ADAM33: variants seen among roughly 807,000 people sequenced by gnomAD.
The protein encoded by ADAM33 is ADAM metallopeptidase domain 33, also known as disintegrin and metalloproteinase domain-containing protein 33.
In ADAM33, 103 loss-of-function variants were observed where a neutral mutation model predicts 106.2. That is an observed-to-expected ratio of 0.97 (90% CI 0.83 to 1.14). The LOEUF (loss-of-function observed/expected upper bound fraction) is 1.14. ADAM33 is among the 50% of genes most tolerant of loss of function. ADAM33 has a pLI of 0.00. For missense variants in ADAM33, 1,120 were observed against 1,096.6 expected (o/e 1.02, Z -0.30); for synonymous variants, 483 against 453.0 (o/e 1.07, Z -0.84).
At position 3,669,240 on chromosome 20, in the gene ADAM33, G is replaced by A. The variant is rs142662262; in HGVS notation, c.2404+59C>T. Reference sequence around the variant, plus strand: ...TTAGGGGGCAGCAAACTGAGGGGTGGGAGAGGTGGGAGGGTGGGCGATGAG... The same window carrying A: ...TTAGGGGGCAGCAAACTGAGGGGTGAGAGAGGTGGGAGGGTGGGCGATGAG... On this transcript the variant is annotated intron_variant, in intron 21 of 21. Coordinates refer to ENST00000356518, the MANE Select transcript of ADAM33 (RefSeq NM_025220.5). The A allele has an allele frequency of 4.9e-4, 719 of 1,460,868 alleles. 4 individuals are homozygous for A. The African/African-American group carries it at 5.1e-3, about 10-fold the overall frequency. 90.5% of individuals were successfully genotyped at this position (1,460,868 alleles called of 1,614,324 possible).
Position 3,673,479 on chromosome 20 carries a change from G to C in ADAM33, c.1008C>G (p.Pro336=). 1 of 1,534,598 alleles carries C rather than the reference G, an allele frequency of 6.5e-7. No individual in the cohort carries two copies. Among genetic ancestry groups the C allele is most frequent in the East Asian group, 2.3e-5 (1 of 42,928 alleles). Residue 336 remains proline (P), a synonymous_variant, in exon 11 of 22, where the codon CCC becomes CCG. Coordinates refer to ENST00000356518, the MANE Select transcript of ADAM33 (RefSeq NM_025220.5). ...GGGCCATGGTGGCTGCGGCGCCGAT[G>C]GGGAGCTCCGAGTGGTCCTGGGGGG... ...GGVSTDHSEL[P]IGAAATMAHE...
intron 2 of ADAM33, among the ~76,000 whole-genome samples, chr20:3,677,541 C>T (rs1027417327): frequency 6.6e-6 from 1 of 152,184 alleles, no homozygotes; most frequent in Non-Finnish European, 1.5e-5. Flanking sequence ...TAGCCATGGT[C>T]AGGGCCTCCT....
chr20:3,678,281 G>C (rs562512414), intron 2 of ADAM33, among the ~76,000 whole-genome samples: 1 of 152,358 alleles, frequency 6.6e-6, no homozygotes, highest in African/African-American at 2.4e-5. Flanking sequence ...CTTTTGGAGG[G>C]GACACCTAGC....
chr20:3,679,084 T>C (rs2088221734), intron 2 of ADAM33, among the ~76,000 whole-genome samples: 1 of 151,102 alleles, frequency 6.6e-6, no homozygotes, highest in Non-Finnish European at 1.5e-5. Context: ...CAGCAGTGTG[T>C]CCACAGGGTC....
Position 3,669,315 on chromosome 20 carries a change from G to A in ADAM33, c.2388C>T (p.Val796=). The A allele has an allele frequency of 6.3e-7, 1 of 1,597,272 alleles. No individual in the cohort carries two copies. The highest frequency in any genetic ancestry group is 1.9e-5 in the Admixed American group (1 of 53,906). ...CCTGCCTACCTTGGGGGTCAGGCGA[G>A]ACTGCTGGCAGAGGCTTCTCAGGGT... The part of the protein sequence containing the change: ...SSHPEKPLPA[V]SPDPQADQVQ... Residue 796 remains valine, a synonymous_variant, in exon 21 of 22, where the codon GTC becomes GTT. Transcript: ENST00000356518.
intron 2 of ADAM33, among the ~76,000 whole-genome samples, chr20:3,678,101 G>A (rs550688599): frequency 2.0e-5 from 3 of 152,256 alleles, no homozygotes; most frequent in Non-Finnish European, 2.9e-5. Context: ...TCCAGCATGA[G>A]CTCATGAGGC....
In ADAM33 at chr20:3,672,420, C is replaced by T. The variant is rs2087601857; in HGVS notation, c.1402-91G>A. 1.9e-6 allele frequency: 3 copies of T among 1,574,638 alleles called. No individual in the cohort carries two copies. In the African/African-American group the frequency reaches 4.0e-5, roughly 21 times the overall value. On this transcript the variant is annotated intron_variant, in intron 13 of 21. Transcript: ENST00000356518. The stretch of plus-strand genomic sequence containing the variant: ...GAGCGCGGCTCGGAGCTGGGGGAGC[C>T]AGGCCTACCCAAGCCCAGCACCCAA...
In ADAM33 at chr20:3,673,507, G is replaced by C; in HGVS notation, c.991-11C>G. On this transcript the variant is annotated splice_polypyrimidine_tract_variant and intron_variant, in intron 10 of 21. Transcript: ENST00000356518. The stretch of plus-strand genomic sequence containing the variant: ...GAGCTCCGAGTGGTCCTGGGGGGCC[G>C]TGGGAGGGCGGTCACTGCGGCCGTA... 1 of 1,477,602 alleles carries C rather than the reference G, an allele frequency of 6.8e-7. No individual in the cohort carries two copies. The allele number at this position is 1,477,602 out of a possible 1,614,324, so 91.5% of individuals were successfully genotyped here. A position where few individuals can be genotyped will look rare whatever the true frequency, so the allele number is the denominator to read the frequency against.
intron 19 of ADAM33, among the ~76,000 whole-genome samples, 162 bp downstream of exon 19, chr20:3,670,843 AC>A (rs1214034674): frequency 6.6e-6 from 1 of 152,150 alleles, no homozygotes; most frequent in Admixed American, 6.5e-5. Flanking sequence ...CTGGGAGGCC[AC>A]TGGAACCTCC....
intron 2 of ADAM33, 28 bp from the exon 3 acceptor site, chr20:3,677,171 ATGG>A: frequency 1.3e-6 from 2 of 1,576,086 alleles, no homozygotes; most frequent in Non-Finnish European, 1.7e-6. Flanking sequence ...TGGAGCTGAG[ATGG>A]TGGCCTCCAG....
In ADAM33 at chr20:3,673,484, G is replaced by T. The variant is rs2087702758; in HGVS notation, c.1003C>A (p.Leu335Ile). The T allele has an allele frequency of 6.5e-7, 1 of 1,529,418 alleles. No homozygotes were observed. Among genetic ancestry groups the T allele is most frequent in the Non-Finnish European group, 8.7e-7 (1 of 1,145,030 alleles). The allele number at this position is 1,529,418 out of a possible 1,614,324, so 94.7% of individuals were successfully genotyped here. ...ATGGTGGCTGCGGCGCCGATGGGGA[G>T]CTCCGAGTGGTCCTGGGGGGCCGTG... ...SGGVSTDHSE[L>I]PIGAAATMAH... The change falls in exon 11 of 22, where the codon CTC (leucine) becomes ATC (isoleucine). Residue 335 changes from leucine (L) to isoleucine (I), a missense_variant. Coordinates refer to ENST00000356518, the MANE Select transcript of ADAM33 (RefSeq NM_025220.5).
rs1600194935 is a variant in ADAM33 at position 3,669,446 on chromosome 20, G to T, written c.2333-76C>A. On this transcript the variant is annotated intron_variant, in intron 20 of 21. Transcript: ENST00000356518. ...CCTGGGGCTGGGGAGGGGCATAGGG[G>T]ACTCAAGGTGACTGGGTGCTGCCCA... 6.5e-6 allele frequency: 10 copies of T among 1,546,174 alleles called. No individual in the cohort carries two copies. The South Asian group carries it at 7.2e-5, about 11-fold the overall frequency.
At position 3,678,261 on chromosome 20, in the gene ADAM33, T is replaced by G. The variant is rs41537145; in HGVS notation, c.178-1118A>C. ...TATACCCCTCATCTTGAAATGTGAGTGTTTCCTGCCTTTTGGAGGGGACAC... is the reference window on the plus strand; with the variant it reads ...TATACCCCTCATCTTGAAATGTGAGGGTTTCCTGCCTTTTGGAGGGGACAC... On this transcript the variant is annotated intron_variant, in intron 2 of 21. Transcript: ENST00000356518. Among the ~76,000 whole-genome samples, 365 of 152,330 alleles carry G rather than the reference T, an allele frequency of 2.4e-3. 4 individuals are homozygous for G. The highest frequency in any genetic ancestry group is 7.9e-3 in the African/African-American group (327 of 41,580).
chr20:3,678,277 G>A (rs2088150088), intron 2 of ADAM33, among the ~76,000 whole-genome samples: 1 of 152,248 alleles, frequency 6.6e-6, no homozygotes, highest in South Asian at 2.1e-4. Flanking sequence ...CTGCCTTTTG[G>A]AGGGGACACC....
chr20:3,674,312 G>A (rs2087791249), intron 6 of ADAM33, 28 bp from the exon 7 acceptor site: 1 of 1,613,384 alleles, frequency 6.2e-7, no homozygotes, highest in African/African-American at 1.3e-5. Context: ...GGGACCCTGA[G>A]TGGAAGCTGC....
chr20:3,671,910 T>G lies in ADAM33; in HGVS notation c.1673A>C (p.Asp558Ala). 1 of 1,554,580 alleles carries G rather than the reference T, an allele frequency of 6.4e-7. No individual in the cohort carries two copies. The highest frequency in any genetic ancestry group is 8.7e-7 in the Non-Finnish European group (1 of 1,148,554). Residue 558 changes from aspartate to alanine, a missense_variant, in exon 15 of 22, where the codon GAC becomes GCC. By Grantham distance (126) the Asp-to-Ala change is moderately radical. Coordinates refer to ENST00000356518, the MANE Select transcript of ADAM33 (RefSeq NM_025220.5). Reference protein sequence around the residue: ...AGDAHGNCGQDSEGHFLPCAG... With the variant: ...AGDAHGNCGQASEGHFLPCAG... ...ACAGGGCAGGAAGTGGCCCTCGCTG[T>G]CCTGGCCGCAGTTTCCATGAGCATC... is the stretch of plus-strand genomic sequence containing the variant.
chr20:3,679,601 G>A (rs769863420), intron 1 of ADAM33, 30 bp from the exon 2 acceptor site: 2 of 1,580,516 alleles, frequency 1.3e-6, no homozygotes, highest in Non-Finnish European at 1.7e-6. Context: ...CAGGGTGAGG[G>A]GGACCTGAGG....
intron 1 of ADAM33, 70 bp from the exon 2 acceptor site, chr20:3,679,641 A>T: frequency 7.2e-7 from 1 of 1,382,610 alleles, no homozygotes; most frequent in Admixed American, 2.0e-5. Flanking sequence ...AAGCAGAGGG[A>T]GGGGGGTAGA....
intron 14 of ADAM33, 32 bp from the exon 15 acceptor site, chr20:3,672,017 T>C: frequency 6.4e-7 from 1 of 1,552,792 alleles, no homozygotes; most frequent in Non-Finnish European, 8.7e-7. Context: ...TGGGGGCAGC[T>C]CGGAGAGGGG....
Sources: gnomAD v4.1 joint callset for allele counts (sites outside exome capture counted in the v4.1 genomes callset) on GRCh38, gnomAD v4.1.1 for gene constraint, MANE v1.5 for transcripts, NCBI Gene and HGNC (gene_info 2026-07-23, HGNC 2026-07-21) for gene names.